Variants in ZFYVE26 observed in about 807,000 individuals in gnomAD.
ZFYVE26 encodes the protein zinc finger FYVE domain-containing protein 26.
In ZFYVE26, 181 loss-of-function variants were observed where a neutral mutation model predicts 276.5. The ratio of observed to expected loss-of-function variants is 0.65; its 90% confidence interval spans 0.58 to 0.74. The LOEUF (loss-of-function observed/expected upper bound fraction) is 0.74, where lower values mean the gene tolerates loss of function less well. Ranked by LOEUF, ZFYVE26 falls within the 30% of genes least tolerant of loss-of-function variation. The pLI, the probability that ZFYVE26 is intolerant of heterozygous loss-of-function variation, is 0.00. For synonymous variants in ZFYVE26, 1,129 were observed against 1,203.1 expected, an observed-to-expected ratio of 0.94 and a Z score of 1.27; for missense variants, 2,821 against 3,097.9, an observed-to-expected ratio of 0.91 and a Z score of 2.12.
Position 67,789,523 on chromosome 14 carries a change from T to G in ZFYVE26, c.2831A>C (p.Gln944Pro). Reference protein sequence around the residue: ...NTSGDPIPMLQEDFWISTALV... With the variant: ...NTSGDPIPMLPEDFWISTALV... The stretch of plus-strand genomic sequence containing the variant: ...AGCCGTGCTTATCCAAAAGTCCTCC[T>G]GGAGCATGGGGATGGGGTCTCCAGA... The change falls in exon 16 of 42, where the codon CAG becomes CCG. Residue 944 changes from glutamine (Q) to proline (P), a missense_variant. Physicochemically the swap from Gln to Pro is moderately conservative, Grantham distance 76. Transcript: ENST00000347230. The G allele has an allele frequency of 6.2e-7, 1 of 1,614,170 alleles. No individual in the cohort carries two copies. Among genetic ancestry groups the G allele is most frequent in the Non-Finnish European group, 8.5e-7 (1 of 1,180,038 alleles).
intron 23 of ZFYVE26, among the ~76,000 whole-genome samples, chr14:67,779,547 G>C (rs2039441024): frequency 6.6e-6 from 1 of 152,082 alleles, no homozygotes; most frequent in Non-Finnish European, 1.5e-5. Context: ...GGGTGAAATA[G>C]CAAGACTCCA....
chr14:67,784,571 G>A (rs2039599670), intron 19 of ZFYVE26, 135 bp from the exon 20 acceptor site: 2 of 793,216 alleles, frequency 2.5e-6, no homozygotes, highest in South Asian at 2.8e-5. Context: ...ATTCATTCTA[G>A]GTAAAGGGTA....
chr14:67,766,372 C>T lies in ZFYVE26; in HGVS notation c.5866G>A (p.Glu1956Lys). 6.2e-7 allele frequency: 1 copy of T among 1,612,880 alleles called. No individual in the cohort carries two copies. ...CCCTTGGAGAGCCTGCAGCAGTGCTCAATCAGCTGGTGACCACAGGCAATG... is the reference window on the plus strand; with the variant it reads ...CCCTTGGAGAGCCTGCAGCAGTGCTTAATCAGCTGGTGACCACAGGCAATG... ...DSIACGHQLI[E>K]HCCRLSKGLT... The change falls in exon 32 of 42, where the codon GAG becomes AAG. Residue 1956 changes from glutamate to lysine, a missense_variant. Coordinates refer to ENST00000347230, the MANE Select transcript of ZFYVE26 (RefSeq NM_015346.4).
chr14:67,755,829 G>A, intron 36 of ZFYVE26, 119 bp downstream of exon 36: 1 of 1,237,848 alleles, frequency 8.1e-7, no homozygotes, highest in African/African-American at 1.5e-5. Context: ...TTGCTCTAGG[G>A]TCAGCCAAAC....
intron 9 of ZFYVE26, among the ~76,000 whole-genome samples, chr14:67,803,457 T>A (rs1300518904): frequency 1.3e-5 from 2 of 152,166 alleles, no homozygotes; most frequent in Non-Finnish European, 2.9e-5. Flanking sequence ...TTCTCCTGCC[T>A]CAGCCTCCCG....
chr14:67,747,513 T>C lies in ZFYVE26; in HGVS notation c.*923A>G, dbSNP rs2038514413. ...TGCAGCTCAAATAGGTAAAATCGAG[T>C]CATTCAGTCCTAGGATCCTGGCCAC... On this transcript the variant is annotated 3_prime_UTR_variant, in exon 42 of 42. Coordinates refer to ENST00000347230, the MANE Select transcript of ZFYVE26 (RefSeq NM_015346.4). 6.6e-6 allele frequency: 1 copy of C among 151,692 alleles called. No homozygotes were observed. The highest frequency in any genetic ancestry group is 1.5e-5 in the Non-Finnish European group (1 of 67,942). The allele number at this position is 151,692 out of a possible 1,614,324, so 9.4% of individuals were successfully genotyped here.
intron 28 of ZFYVE26, 188 bp from the exon 29 acceptor site, chr14:67,769,918 A>C: frequency 1.3e-6 from 1 of 766,928 alleles, no homozygotes; most frequent in East Asian, 2.8e-5. Flanking sequence ...AATATCTGTC[A>C]GCTGATGGGC....
Position 67,778,122 on chromosome 14 carries a change from T to C in ZFYVE26, c.4797+4A>G. The C allele has an allele frequency of 6.2e-7, 1 of 1,614,224 alleles. No homozygotes were observed. Among genetic ancestry groups the C allele is most frequent in the African/African-American group, 1.3e-5 (1 of 75,064 alleles). On this transcript the variant is annotated splice_donor_region_variant and intron_variant, in intron 24 of 41. Transcript: ENST00000347230. ...AAGAAAAATGGAAAGAACTGGGGGC[T>C]TACTTGCAGAGCCTTGTCATGATCT...
chr14:67,755,977 TG>T lies in ZFYVE26; in HGVS notation c.6756del (p.His2252GlnfsTer10), dbSNP rs1566864040. The stretch of plus-strand genomic sequence containing the variant: ...ATAAACTGCTGCAGCTCATACAGAA[TG>T]TGGTAGTAGTTCTTCTTCTGTAAAT... ...CQHLQKKNYY[H>X]ILYELQQFMK... On this transcript the variant is annotated frameshift_variant, in exon 36 of 42. Coordinates refer to ENST00000347230, the MANE Select transcript of ZFYVE26 (RefSeq NM_015346.4). LOFTEE classifies it high-confidence loss of function. The T allele has an allele frequency of 1.2e-6, 2 of 1,614,220 alleles. No homozygotes were observed. The highest frequency in any genetic ancestry group is 1.7e-6 in the Non-Finnish European group (2 of 1,180,038).
At chr14:67,814,764 T>G (rs779278972) in intron 2 of ZFYVE26, among the ~76,000 whole-genome samples, 5 of 152,174 alleles carry the variant, frequency 3.3e-5, no homozygotes, top group Non-Finnish European at 7.3e-5. Context: ...AAAACAGGAC[T>G]TTAGGAATTC....
At chr14:67,759,355 G>A (rs1003466287) in intron 35 of ZFYVE26, among the ~76,000 whole-genome samples, 34 of 151,816 alleles carry the variant, frequency 2.2e-4, no homozygotes, top group Admixed American at 7.9e-4. Context: ...GGCCAGGCGC[G>A]GTGGCTCACG....
At position 67,761,539 on chromosome 14, in the gene ZFYVE26, G is replaced by A. The variant is rs771935696; in HGVS notation, c.6415C>T (p.Leu2139Phe). 3 of 1,614,220 alleles carry A rather than the reference G, an allele frequency of 1.9e-6. No homozygotes were observed. The highest frequency in any genetic ancestry group is 1.3e-5 in the African/African-American group (1 of 75,064). ...FATLRELEAT[L>F]RTQSLSLAVI... Reference sequence around the variant, plus strand: ...GCCAGAGAAAGGCTCTGCGTCCGAAGGGTAGCTTCCAGTTCCCTCAGGGTG... The same window carrying A: ...GCCAGAGAAAGGCTCTGCGTCCGAAAGGTAGCTTCCAGTTCCCTCAGGGTG... Residue 2139 changes from leucine (L) to phenylalanine (F), a missense_variant, in exon 35 of 42, where the codon CTT (leucine) becomes TTT (phenylalanine). Physicochemically the swap from Leu to Phe is conservative, Grantham distance 22 (BLOSUM62 0). Transcript: ENST00000347230.
downstream of ZFYVE26, among the ~76,000 whole-genome samples, chr14:67,743,068 G>A (rs1415029080): frequency 2.6e-5 from 4 of 151,728 alleles, no homozygotes; most frequent in African/African-American, 7.3e-5. Context: ...GAACTCCTGG[G>A]CTCAAGTGAT....
chr14:67,774,430 C>T (rs12586329), intron 27 of ZFYVE26, among the ~76,000 whole-genome samples: 92,985 of 151,650 alleles, frequency 0.61, 29,465 homozygotes, highest in East Asian at 0.92. Context: ...ATCCAGGAGG[C>T]GGAGGTTGCA....
Position 67,747,248 on chromosome 14 carries a change from A to G in ZFYVE26, c.*1188T>C, listed in dbSNP as rs893727108. Reference sequence around the variant, plus strand: ...ACAGTGCATATTAAAGAAGCACTTCACCTAGTTTTCCACCAACCAGATGTG... The same window carrying G: ...ACAGTGCATATTAAAGAAGCACTTCGCCTAGTTTTCCACCAACCAGATGTG... On this transcript the variant is annotated 3_prime_UTR_variant, in exon 42 of 42. Transcript: ENST00000347230. 6.6e-6 allele frequency: 1 copy of G among 152,266 alleles called. No individual in the cohort carries two copies. The highest frequency in any genetic ancestry group is 1.5e-5 in the Non-Finnish European group (1 of 68,052). 9.4% of individuals were successfully genotyped at this position (152,266 alleles called of 1,614,324 possible). A position where few individuals can be genotyped will look rare whatever the true frequency, so the allele number is the denominator to read the frequency against.
At position 67,784,401 on chromosome 14, in the gene ZFYVE26, G is replaced by C; in HGVS notation, c.3559C>G (p.Leu1187Val). Residue 1187 changes from leucine to valine, a missense_variant, in exon 20 of 42, where the codon CTG (leucine) becomes GTG (valine). Leu to Val is a conservative substitution (Grantham distance 32). Transcript: ENST00000347230. ...AGTTGGGAAGAGCTCTGTTGCAGCA[G>C]AACAAAGGGATTTCCTACCTTGACC... ...VEVKVGNPFVLLQQSSSQLVS... is the reference protein window; with the variant it reads ...VEVKVGNPFVVLQQSSSQLVS... 4 of 1,614,110 alleles carry C rather than the reference G, an allele frequency of 2.5e-6. No homozygotes were observed. Among genetic ancestry groups the C allele is most frequent in the Non-Finnish European group, 3.4e-6 (4 of 1,179,988 alleles).
chr14:67,748,001 G>T lies in ZFYVE26; in HGVS notation c.*435C>A, dbSNP rs144607941. The T allele has an allele frequency of 2.7e-3, 533 of 199,876 alleles. 4 individuals are homozygous for T. Among genetic ancestry groups the T allele is most frequent in the African/African-American group, 0.012 (511 of 43,114 alleles). 12.4% of individuals were successfully genotyped at this position (199,876 alleles called of 1,614,324 possible). ...AGCTACTAAAGCACGTCCACAGAGG[G>T]GGGACTATACAAACAGGACAACCCG... On this transcript the variant is annotated 3_prime_UTR_variant, in exon 42 of 42. Transcript: ENST00000347230.
intron 41 of ZFYVE26, chr14:67,750,726 A>G: frequency 2.4e-6 from 1 of 413,472 alleles, no homozygotes; most frequent in Non-Finnish European, 4.6e-6. Flanking sequence ...AGTCCACCCA[A>G]AGATGGAGGT....
rs749763709 is a variant in ZFYVE26, at chr14:67,807,578, A to G, written c.706T>C (p.Leu236=). Residue 236 remains leucine, a synonymous_variant, in exon 5 of 42, where the codon TTG becomes CTG. Transcript: ENST00000347230. ...RCPAEPLGVE[L]HLLCEELLEA... ...AGTAGTTCCTCACACAGGAGATGCA[A>G]CTCAACCCCAAGTGGTTCTGCGGGG... 1 of 1,614,116 alleles carries G rather than the reference A, an allele frequency of 6.2e-7. No homozygotes were observed. Among genetic ancestry groups the G allele is most frequent in the Non-Finnish European group, 8.5e-7 (1 of 1,180,000 alleles).
Sources: allele counts gnomAD v4.1 joint callset (sites outside exome capture counted in the v4.1 genomes callset), GRCh38; gene constraint gnomAD v4.1.1; transcripts MANE v1.5; gene names NCBI Gene and HGNC (gene_info 2026-07-23, HGNC 2026-07-21).